Variants in TENM3 observed in about 807,000 individuals in gnomAD.
TENM3 encodes the protein teneurin transmembrane protein 3.
A neutral mutation model predicts 255.1 loss-of-function variants in TENM3; 63 were observed. The observed-to-expected ratio is 0.25, with a 90% confidence interval of 0.20 to 0.30. The LOEUF (loss-of-function observed/expected upper bound fraction) is 0.30. Ranked by LOEUF, TENM3 falls within the 10% of genes least tolerant of loss-of-function variation. TENM3 has a pLI of 1.00. For missense variants in TENM3, 2,929 were observed against 3,461.1 expected (o/e 0.85, Z 3.86); for synonymous variants, 1,306 against 1,322.3 (o/e 0.99, Z 0.27).
At position 182,802,315 on chromosome 4, in the gene TENM3, T is replaced by C. The variant is rs1767035538; in HGVS notation, c.*1964T>C. ...ATTCTGGAAATCCTTTGGCAAGTAT[T>C]ATGAAGCCCAAATTTAGAAAACTAT... On this transcript the variant is annotated 3_prime_UTR_variant, in exon 28 of 28. Transcript: ENST00000511685. The C allele has an allele frequency of 6.5e-6, 1 of 152,682 alleles. No homozygotes were observed. The highest frequency in any genetic ancestry group is 1.5e-5 in the Non-Finnish European group (1 of 68,050). 9.5% of individuals were successfully genotyped at this position (152,682 alleles called of 1,614,324 possible).
At chr4:182,367,121 A>G (rs1265675302) in intron 3 of TENM3, among the ~76,000 whole-genome samples, 3 of 151,680 alleles carry the variant, frequency 2.0e-5, no homozygotes, top group African/African-American at 7.3e-5. Context: ...AGAAAAGAAA[A>G]GACTTTACAG....
the TENM3 span, among the ~76,000 whole-genome samples, chr4:181,520,443 G>T: frequency 2.0e-5 from 3 of 152,136 alleles, no homozygotes; most frequent in Non-Finnish European, 4.4e-5. Context: ...GTGCGTGCAT[G>T]TGTACATATA....
the TENM3 span, among the ~76,000 whole-genome samples, chr4:182,128,491 C>T: frequency 6.6e-6 from 1 of 152,208 alleles, no homozygotes; most frequent in South Asian, 2.1e-4. Flanking sequence ...CAGGCTTCAG[C>T]CACCAGCGCC....
intron 12 of TENM3, among the ~76,000 whole-genome samples, chr4:182,712,207 T>A (rs566600930): frequency 6.6e-6 from 1 of 152,302 alleles, no homozygotes; most frequent in Admixed American, 6.5e-5. Flanking sequence ...GATTCTCACA[T>A]CTTCAGTTAT....
At chr4:181,551,819 T>C in the TENM3 span, among the ~76,000 whole-genome samples, 11 of 120,050 alleles carry the variant, frequency 9.2e-5, no homozygotes, top group East Asian at 2.5e-3. Flanking sequence ...TATATATATA[T>C]ATATATATAT....
the TENM3 span, among the ~76,000 whole-genome samples, chr4:182,020,162 C>T: frequency 6.6e-6 from 1 of 151,954 alleles, no homozygotes; most frequent in Non-Finnish European, 1.5e-5. Flanking sequence ...GTCAGGAGTT[C>T]GAGACCAGTC....
chr4:181,878,613 T>C, the TENM3 span, among the ~76,000 whole-genome samples: 1 of 152,194 alleles, frequency 6.6e-6, no homozygotes, highest in Non-Finnish European at 1.5e-5. Context: ...TATTTTATAA[T>C]ATGTTGTCTT....
chr4:182,542,039 G>C (rs149368881), intron 3 of TENM3, among the ~76,000 whole-genome samples: 1 of 152,050 alleles, frequency 6.6e-6, no homozygotes, highest in Non-Finnish European at 1.5e-5. Flanking sequence ...TTCCAGCCTG[G>C]GCGACACAGA....
chr4:182,049,977 T>A, the TENM3 span, among the ~76,000 whole-genome samples: 1 of 144,460 alleles, frequency 6.9e-6, no homozygotes, highest in Admixed American at 7.6e-5. Flanking sequence ...TTAAAAAATA[T>A]GTATTTTTTT....
rs567058573 is a variant in TENM3, at chr4:182,536,290, T to C, written c.512-64634T>C. The stretch of plus-strand genomic sequence containing the variant: ...AGATTTGTAAGCCATTCTTATAAAA[T>C]TAACATGCAAATAGCCTCTCAAGTC... On this transcript the variant is annotated intron_variant, in intron 3 of 27. Transcript: ENST00000511685. 2.0e-5 allele frequency among the ~76,000 whole-genome samples: 3 copies of C among 152,362 alleles called. No individual in the cohort carries two copies. The South Asian group carries it at 6.2e-4, about 32-fold the overall frequency.
the TENM3 span, among the ~76,000 whole-genome samples, chr4:181,929,997 TAG>T: frequency 6.6e-6 from 1 of 152,126 alleles, no homozygotes; most frequent in Non-Finnish European, 1.5e-5. Flanking sequence ...TACAATGTAC[TAG>T]AATCTCTGGA....
the TENM3 span, among the ~76,000 whole-genome samples, chr4:182,121,549 A>G: frequency 9.9e-4 from 151 of 152,346 alleles, no homozygotes; most frequent in Non-Finnish European, 1.6e-3. Flanking sequence ...AACGTGAGTC[A>G]CATGGTTTCT....
At chr4:181,515,556 G>A in the TENM3 span, among the ~76,000 whole-genome samples, 1 of 151,920 alleles carries the variant, frequency 6.6e-6, no homozygotes, top group East Asian at 1.9e-4. Flanking sequence ...ATGGTGAAAG[G>A]GACATTTAAA....
chr4:182,581,999 TAA>T (rs1202815358), intron 3 of TENM3, among the ~76,000 whole-genome samples: 1 of 152,164 alleles, frequency 6.6e-6, no homozygotes, highest in Non-Finnish European at 1.5e-5. Flanking sequence ...GCCCACATAC[TAA>T]AAAGTGTTAA....
intron 3 of TENM3, among the ~76,000 whole-genome samples, chr4:182,420,914 G>A (rs532280668): frequency 6.6e-6 from 1 of 152,108 alleles, no homozygotes; most frequent in South Asian, 2.1e-4. Context: ...TTCCATTTTG[G>A]AAGCCACATG....
intron 3 of TENM3, among the ~76,000 whole-genome samples, chr4:182,525,485 A>G (rs2151809280): frequency 6.6e-6 from 1 of 152,338 alleles, no homozygotes; most frequent in South Asian, 2.1e-4. Flanking sequence ...TTCAAAGACC[A>G]AACACTTTCC....
At chr4:181,911,492 C>T in the TENM3 span, among the ~76,000 whole-genome samples, 346 of 152,244 alleles carry the variant, frequency 2.3e-3, 1 homozygote, top group African/African-American at 7.9e-3. Context: ...AAAATGATGA[C>T]AGATAAAATG....
the TENM3 span, among the ~76,000 whole-genome samples, chr4:181,691,473 A>T: frequency 3.9e-5 from 6 of 152,118 alleles, no homozygotes; most frequent in Non-Finnish European, 4.4e-5. Context: ...ACATCTTATA[A>T]AAGTAAGTGT....
the TENM3 span, among the ~76,000 whole-genome samples, chr4:181,658,877 A>G: frequency 1.3e-5 from 2 of 152,054 alleles, no homozygotes; most frequent in African/African-American, 4.8e-5. Context: ...ACTCTACCCC[A>G]GTTCTGTGTG....
Sources: gnomAD v4.1 joint callset for allele counts (sites outside exome capture counted in the v4.1 genomes callset) on GRCh38, gnomAD v4.1.1 for gene constraint, MANE v1.5 for transcripts, NCBI Gene and HGNC (gene_info 2026-07-23, HGNC 2026-07-21) for gene names.